The following PACS2 variants were observed in gnomAD, a reference collection of about 807,000 sequenced individuals.
PACS2 encodes PACS1-like protein.
Under a neutral mutation model 113.0 loss-of-function variants are expected in PACS2, and 36 were observed. The ratio of observed to expected loss-of-function variants is 0.32; its 90% CI spans 0.24 to 0.42. The LOEUF (loss-of-function observed/expected upper bound fraction) is 0.42. Among genes scored for constraint, PACS2 ranks in the 10% least tolerant of loss-of-function variants. The probability of loss-of-function intolerance (pLI) is 1.00; values close to 1 mark genes in which losing one functional copy is unlikely to be tolerated. For synonymous variants in PACS2, 589 were observed against 536.1 expected, an observed-to-expected ratio of 1.10 and a Z score of -1.36; for missense variants, 1,015 against 1,239.5, an observed-to-expected ratio of 0.82 and a Z score of 2.72.
At chr14:105,310,381 T>A (rs1174690986), upstream of PACS2, among the ~76,000 whole-genome samples, 4 of 151,270 alleles carry the variant, frequency 2.6e-5, no homozygotes, top group African/African-American at 7.3e-5. Flanking sequence ...ATACAAAAAA[T>A]TAGCCAGGCG....
At chr14:105,373,508 A>G (rs977394004) in intron 8 of PACS2, among the ~76,000 whole-genome samples, 4 of 152,240 alleles carry the variant, frequency 2.6e-5, no homozygotes, top group African/African-American at 9.6e-5. Context: ...CTGGATATCC[A>G]CATGCAAAAG....
At chr14:105,359,579 ATTTC>A (rs1555405984) in intron 4 of PACS2, among the ~76,000 whole-genome samples, 1 of 114,244 alleles carries the variant, frequency 8.8e-6, no homozygotes, top group Non-Finnish European at 1.8e-5. Context: ...AAGTGTTGGT[ATTTC>A]TTTCTTTTTT....
chr14:105,385,618 G>C (rs1327999514), intron 18 of PACS2, 67 bp from the exon 19 acceptor site: 3 of 1,122,266 alleles, frequency 2.7e-6, no homozygotes, highest in Non-Finnish European at 3.7e-6. Context: ...TGCCCTCGGC[G>C]GTCCCTGGAG....
At chr14:105,349,849 T>TG (rs2060089969) in intron 2 of PACS2, among the ~76,000 whole-genome samples, 1 of 135,500 alleles carries the variant, frequency 7.4e-6, no homozygotes, top group African/African-American at 3.4e-5. Flanking sequence ...GCGTGGCTAA[T>TG]GCAGGACCCG....
chr14:105,332,497 G>A (rs886406436), intron 1 of PACS2, among the ~76,000 whole-genome samples: 2 of 152,224 alleles, frequency 1.3e-5, no homozygotes, highest in African/African-American at 4.8e-5. Context: ...AGTTGGGATT[G>A]TGAAAACCCC....
At chr14:105,346,419 A>G (rs587649278) in intron 1 of PACS2, among the ~76,000 whole-genome samples, 17 of 151,752 alleles carry the variant, frequency 1.1e-4, no homozygotes, top group African/African-American at 2.9e-4. Context: ...TCGCGTCTGC[A>G]GCCCTGTCTG....
chr14:105,377,185 G>T (rs1163451982), intron 9 of PACS2, among the ~76,000 whole-genome samples: 1 of 152,146 alleles, frequency 6.6e-6, no homozygotes, highest in Non-Finnish European at 1.5e-5. Flanking sequence ...GACCGAGAGG[G>T]GTCCCCCAGG....
chr14:105,315,007 TG>T lies in PACS2; in HGVS notation c.91del (p.Asp31ThrfsTer14). The T allele has an allele frequency of 8.0e-7, 1 of 1,253,238 alleles. No individual in the cohort carries two copies. Among genetic ancestry groups the T allele is most frequent in the South Asian group, 1.6e-5 (1 of 62,322 alleles). 77.6% of individuals were successfully genotyped at this position (1,253,238 alleles called of 1,614,324 possible). On this transcript the variant is annotated frameshift_variant, in exon 1 of 25. Coordinates refer to ENST00000447393, the MANE Select transcript of PACS2 (RefSeq NM_001100913.3). LOFTEE classifies it high-confidence loss of function. This position sits in a 1 kb window ranked among gnomAD's most constrained non-coding sequence, Gnocchi z 4.4. ...ATGAACCTGTTCGCCACCTGGGAGG[TG>T]GACGGCTCCAGCCCCAGCTGCGTGC... ...VPMNLFATWE[V>X]DGSSPSCVPR...
At chr14:105,350,857 G>A (rs587612951) in intron 2 of PACS2, among the ~76,000 whole-genome samples, 3 of 152,236 alleles carry the variant, frequency 2.0e-5, no homozygotes, top group Non-Finnish European at 2.9e-5. Flanking sequence ...AGACCACAAC[G>A]CAGGGGCAGC....
At chr14:105,375,715 G>C (rs587672063) in intron 8 of PACS2, among the ~76,000 whole-genome samples, 1 of 152,178 alleles carries the variant, frequency 6.6e-6, no homozygotes, top group Admixed American at 6.5e-5. Context: ...AATGTAAGGT[G>C]GTGTGGCAGC....
At position 105,330,877 on chromosome 14, in the gene PACS2, G is replaced by A. The variant is rs2059283871; in HGVS notation, c.119+15840G>A. 6.6e-6 allele frequency among the ~76,000 whole-genome samples: 1 copy of A among 152,160 alleles called. No homozygotes were observed. The highest frequency in any genetic ancestry group is 2.1e-4 in the South Asian group (1 of 4,830). On this transcript the variant is annotated intron_variant, in intron 1 of 24. Coordinates refer to ENST00000447393, the MANE Select transcript of PACS2 (RefSeq NM_001100913.3). This position sits in a 1 kb window ranked among gnomAD's most constrained non-coding sequence, Gnocchi z 6.9. ...AGCTGTGCCCCATGCAGCCTCTACC[G>A]GCATCTCACGTGATGTCAACCTTCT... is the stretch of plus-strand genomic sequence containing the variant.
At chr14:105,312,377 G>A (rs1427967742), upstream of PACS2, among the ~76,000 whole-genome samples, 4 of 152,214 alleles carry the variant, frequency 2.6e-5, no homozygotes, top group African/African-American at 7.2e-5. Flanking sequence ...CGGGCAGCAC[G>A]TGGTAGGACC....
chr14:105,384,906 G>A lies in PACS2; in HGVS notation c.1919G>A (p.Arg640His), dbSNP rs1555413183. Reference protein sequence around the residue: ...AVQDTPDIVSRITQYIAGANC... With the variant: ...AVQDTPDIVSHITQYIAGANC... Reference sequence around the variant, plus strand: ...CAGGACACGCCAGACATTGTGTCACGCATCACGCAGTACATCGCAGGGGCC... The same window carrying A: ...CAGGACACGCCAGACATTGTGTCACACATCACGCAGTACATCGCAGGGGCC... Residue 640 changes from arginine to histidine, a missense_variant, in exon 18 of 25, where the codon CGC becomes CAC. Arg to His is a conservative substitution (Grantham distance 29). Coordinates refer to ENST00000447393, the MANE Select transcript of PACS2 (RefSeq NM_001100913.3). 3.1e-6 allele frequency: 5 copies of A among 1,596,800 alleles called. No individual in the cohort carries two copies. Among genetic ancestry groups the A allele is most frequent in the Non-Finnish European group, 4.3e-6 (5 of 1,171,604 alleles).
chr14:105,308,036 T>C (rs1190708783), intron 1 of PACS2, among the ~76,000 whole-genome samples: 1 of 150,038 alleles, frequency 6.7e-6, no homozygotes. Flanking sequence ...ATTTAAAAAT[T>C]AGCTGTGCGT....
rs377312667 is a variant in PACS2 at position 105,348,588 on chromosome 14, C to G, written c.207+8C>G. On this transcript the variant is annotated splice_region_variant and intron_variant, in intron 2 of 24. Transcript: ENST00000447393. This position sits in a 1 kb window ranked among gnomAD's most constrained non-coding sequence, Gnocchi z 6.4. ...ATCGCTGTCAAGATGCAGGTGAGGCCGCTTGTGACCCCGGCTGTGGCTGGG... is the reference window on the plus strand; with the variant it reads ...ATCGCTGTCAAGATGCAGGTGAGGCGGCTTGTGACCCCGGCTGTGGCTGGG... 6.3e-7 allele frequency: 1 copy of G among 1,598,592 alleles called. No individual in the cohort carries two copies. Among genetic ancestry groups the G allele is most frequent in the Admixed American group, 1.7e-5 (1 of 59,982 alleles).
chr14:105,336,767 A>G (rs2140939264), intron 1 of PACS2: 1 of 152,400 alleles, frequency 6.6e-6, no homozygotes, highest in South Asian at 2.1e-4. Flanking sequence ...GTCCCTGTGC[A>G]CTGCTGCTGG....
Position 105,365,607 on chromosome 14 carries a change from C to T in PACS2, c.424-1606C>T, listed in dbSNP as rs1555407769. Among the ~76,000 whole-genome samples the T allele has an allele frequency of 6.6e-6, 1 of 152,166 alleles. No homozygotes were observed. Among genetic ancestry groups the T allele is most frequent in the African/African-American group, 2.4e-5 (1 of 41,436 alleles). On this transcript the variant is annotated intron_variant, in intron 4 of 24. Transcript: ENST00000447393. This position sits in a 1 kb window ranked among gnomAD's most constrained non-coding sequence, Gnocchi z 5.1. ...AAAAAGGGCCCAGACCCCTCTGAGC[C>T]CCGTGGAGGTTGGTATGAGCAGGTG...
intron 8 of PACS2, 141 bp downstream of exon 8, chr14:105,370,041 T>G (rs2061093756): frequency 2.8e-6 from 2 of 722,630 alleles, no homozygotes; most frequent in South Asian, 1.8e-5. Flanking sequence ...TCGCACAGTC[T>G]GCGAGGCGCA....
chr14:105,384,248 C>T, intron 16 of PACS2, 105 bp from the exon 17 acceptor site: 2 of 649,158 alleles, frequency 3.1e-6, no homozygotes, highest in Non-Finnish European at 5.4e-6. Flanking sequence ...GTCTGGAAGG[C>T]AGCAGCACAG....
Sources: allele counts gnomAD v4.1 joint callset (sites outside exome capture counted in the v4.1 genomes callset), GRCh38; gene constraint gnomAD v4.1.1; non-coding constraint Gnocchi (gnomAD v3.1); transcripts MANE v1.5; gene names NCBI Gene and HGNC (gene_info 2026-07-23, HGNC 2026-07-21).